STIMATE: variants seen among roughly 807,000 people sequenced by gnomAD.
The protein encoded by STIMATE is store-operated calcium entry regulator STIMATE.
In STIMATE, 15 loss-of-function variants were observed where a neutral mutation model predicts 36.7. That is an observed-to-expected ratio of 0.41 (90% CI 0.27 to 0.63). STIMATE has a LOEUF of 0.63. STIMATE is among the 20% of genes least tolerant of loss of function. STIMATE has a pLI of 0.32. For missense variants in STIMATE, 305 were observed against 397.3 expected (o/e 0.77, Z 1.98); for synonymous variants, 163 against 162.3 (o/e 1.00, Z -0.03).
At chr3:52,852,722 G>A in intron 2 of STIMATE, 24 bp from the exon 3 acceptor site, 2 of 1,611,112 alleles carry the variant, frequency 1.2e-6, no homozygotes, top group Non-Finnish European at 1.7e-6. Flanking sequence ...ACCAGCACTG[G>A]TTATTAGCCT....
At chr3:52,847,529 C>T in intron 4 of STIMATE, 1 of 1,289,780 alleles carries the variant, frequency 7.8e-7, no homozygotes, top group Non-Finnish European at 1.0e-6. Flanking sequence ...GCATTCTCAT[C>T]AGCAAACTCT....
intron 1 of STIMATE, among the ~76,000 whole-genome samples, chr3:52,877,021 G>T (rs1259645202): frequency 6.6e-6 from 1 of 152,204 alleles, no homozygotes; most frequent in African/African-American, 2.4e-5. Context: ...GTGATAAAAA[G>T]TCAACTCAAG....
intron 7 of STIMATE, 129 bp downstream of exon 7, chr3:52,842,682 T>C: frequency 6.6e-7 from 1 of 1,525,342 alleles, no homozygotes; most frequent in Middle Eastern, 2.5e-4. Context: ...GCTCAGCCTC[T>C]TCTCCTGCCC....
At chr3:52,871,356 G>A (rs1701402518) in intron 1 of STIMATE, among the ~76,000 whole-genome samples, 1 of 152,062 alleles carries the variant, frequency 6.6e-6, no homozygotes, top group Non-Finnish European at 1.5e-5. Flanking sequence ...GCAGAACCCA[G>A]GCCGGACTGC....
chr3:52,867,843 G>A (rs1434049744), intron 1 of STIMATE, among the ~76,000 whole-genome samples: 3 of 152,212 alleles, frequency 2.0e-5, no homozygotes, highest in South Asian at 2.1e-4. Context: ...AATCACCCCA[G>A]CAGTTAGTAG....
chr3:52,867,737 G>A (rs547830633), intron 1 of STIMATE, among the ~76,000 whole-genome samples: 4 of 152,336 alleles, frequency 2.6e-5, no homozygotes, highest in East Asian at 1.9e-4. Flanking sequence ...CATAAACTAC[G>A]CAGTGTGGCT....
chr3:52,866,152 G>A (rs1373192371), intron 1 of STIMATE, among the ~76,000 whole-genome samples: 2 of 152,210 alleles, frequency 1.3e-5, no homozygotes, highest in Non-Finnish European at 2.9e-5. Context: ...AGCTATGTGC[G>A]GCTTATTCTG....
At position 52,844,815 on chromosome 3, in the gene STIMATE, G is replaced by C. The variant is rs1700865900; in HGVS notation, c.540+14C>G. The C allele has an allele frequency of 1.2e-6, 2 of 1,613,170 alleles. No homozygotes were observed. Among genetic ancestry groups the C allele is most frequent in the Non-Finnish European group, 1.7e-6 (2 of 1,179,330 alleles). ...AGCGTGGCAAGGAGCTGCTCATGCA[G>C]GGACGAAGCAAACCTTTTTCCACTG... is the stretch of plus-strand genomic sequence containing the variant. On this transcript the variant is annotated intron_variant, in intron 5 of 7. Coordinates refer to ENST00000355083, the MANE Select transcript of STIMATE (RefSeq NM_198563.5).
chr3:52,895,187 A>G (rs1701846736), intron 1 of STIMATE, among the ~76,000 whole-genome samples: 1 of 152,230 alleles, frequency 6.6e-6, no homozygotes, highest in African/African-American at 2.4e-5. Flanking sequence ...CAGTAGTTCA[A>G]GAAGGAAAAG....
At chr3:52,880,316 G>C (rs2106717765) in intron 1 of STIMATE, among the ~76,000 whole-genome samples, 1 of 152,354 alleles carries the variant, frequency 6.6e-6, no homozygotes, top group Non-Finnish European at 1.5e-5. Flanking sequence ...ATACAAGAGG[G>C]ACCAGATGTG....
intron 1 of STIMATE, among the ~76,000 whole-genome samples, chr3:52,865,288 T>C (rs1323324296): frequency 6.6e-6 from 1 of 152,124 alleles, no homozygotes; most frequent in East Asian, 1.9e-4. Flanking sequence ...TTCCCACATT[T>C]TCCTTTCTTC....
At chr3:52,884,448 G>A (rs1004050758) in intron 1 of STIMATE, among the ~76,000 whole-genome samples, 1 of 152,038 alleles carries the variant, frequency 6.6e-6, no homozygotes, top group African/African-American at 2.4e-5. Context: ...GTTTCACCAT[G>A]TTGGCCAGGC....
intron 2 of STIMATE, among the ~76,000 whole-genome samples, chr3:52,855,018 C>G (rs1015102752): frequency 2.0e-5 from 3 of 152,106 alleles, no homozygotes; most frequent in African/African-American, 7.2e-5. Context: ...TGTTTGATCT[C>G]CAAATTTAGG....
intron 1 of STIMATE, among the ~76,000 whole-genome samples, chr3:52,884,395 G>A (rs1459463268): frequency 2.0e-5 from 3 of 151,914 alleles, no homozygotes; most frequent in Admixed American, 6.6e-5. Flanking sequence ...ACAGGCGCCC[G>A]CCACCACGCC....
chr3:52,890,593 C>T (rs1406094112), intron 1 of STIMATE, among the ~76,000 whole-genome samples: 3 of 152,246 alleles, frequency 2.0e-5, no homozygotes, highest in Admixed American at 6.5e-5. Context: ...AAAGTACCAA[C>T]AGTGCCAGGC....
chr3:52,852,547 C>T (rs1701022890), intron 3 of STIMATE, 56 bp downstream of exon 3: 1 of 1,606,540 alleles, frequency 6.2e-7, no homozygotes, highest in African/African-American at 1.3e-5. Flanking sequence ...GCAAGGCCAG[C>T]CTATATTTTC....
intron 1 of STIMATE, among the ~76,000 whole-genome samples, chr3:52,894,904 G>A (rs929250774): frequency 1.3e-5 from 2 of 152,218 alleles, no homozygotes; most frequent in African/African-American, 2.4e-5. Context: ...GAACAGACTG[G>A]TTGGTATTTA....
At chr3:52,871,371 G>C (rs1311033438) in intron 1 of STIMATE, among the ~76,000 whole-genome samples, 1 of 152,058 alleles carries the variant, frequency 6.6e-6, no homozygotes, top group Non-Finnish European at 1.5e-5. Context: ...GACTGCTCAC[G>C]ACAGTCAGCA....
At chr3:52,895,340 G>A (rs935361442) in intron 1 of STIMATE, among the ~76,000 whole-genome samples, 1 of 152,168 alleles carries the variant, frequency 6.6e-6, no homozygotes, top group African/African-American at 2.4e-5. Context: ...TTCTAGGTAG[G>A]GGGAGGAGGC....
Sources: allele counts gnomAD v4.1 joint callset (sites outside exome capture counted in the v4.1 genomes callset), GRCh38; gene constraint gnomAD v4.1.1; transcripts MANE v1.5; gene names NCBI Gene and HGNC (gene_info 2026-07-23, HGNC 2026-07-21).